Variants in SPG11 observed in about 807,000 individuals in gnomAD.
The protein encoded by SPG11 is spatacsin.
In SPG11, 222 loss-of-function variants were observed where a neutral mutation model predicts 274.0. That is an observed-to-expected ratio of 0.81 (90% CI 0.73 to 0.91). The LOEUF (loss-of-function observed/expected upper bound fraction) is 0.91, where lower values mean the gene tolerates loss of function less well. Ranked by LOEUF, SPG11 falls within the 40% of genes least tolerant of loss-of-function variation. The pLI, the probability that SPG11 is intolerant of heterozygous loss-of-function variation, is 0.00. For synonymous variants in SPG11, 1,144 were observed against 1,039.7 expected (o/e 1.10, Z -1.93); for missense variants, 3,114 against 2,872.7 (o/e 1.08, Z -1.92).
intron 7 of SPG11, among the ~76,000 whole-genome samples, chr15:44,637,042 G>T (rs556369921): frequency 1.4e-5 from 2 of 138,328 alleles, no homozygotes; most frequent in Middle Eastern, 8.5e-3. Flanking sequence ...ACTAATTTTT[G>T]AAGTTTTTCT....
At chr15:44,626,194 A>ATGTCATTATTTCTTAG in intron 11 of SPG11, 137 bp downstream of exon 11, 1 of 738,410 alleles carries the variant, frequency 1.4e-6, no homozygotes, top group East Asian at 2.9e-5. Context: ...AGTGTTATTA[A>ATGTCATTATTTCTTAG]TGTCATTATT....
chr15:44,650,876 T>C (rs894171154), intron 6 of SPG11, among the ~76,000 whole-genome samples: 2 of 152,112 alleles, frequency 1.3e-5, no homozygotes, highest in African/African-American at 4.8e-5. Flanking sequence ...GCCTCCCATG[T>C]AGCTGGGACT....
At position 44,614,609 on chromosome 15, in the gene SPG11, G is replaced by A. The variant is rs138854348; in HGVS notation, c.3038+754C>T. 2.1e-3 allele frequency among the ~76,000 whole-genome samples: 325 copies of A among 152,294 alleles called. 5 individuals are homozygous for A. The East Asian group carries it at 0.036, about 17-fold the overall frequency. ...ATGTGGGCTCCAGAATAAAAATTAA[G>A]TAGAATTAAATCAGCTCTTCCACTT... On this transcript the variant is annotated intron_variant, in intron 16 of 39. Transcript: ENST00000261866.
At chr15:44,630,695 TCAG>T (rs2084036399) in intron 8 of SPG11, among the ~76,000 whole-genome samples, 1 of 152,142 alleles carries the variant, frequency 6.6e-6, no homozygotes, top group Non-Finnish European at 1.5e-5. Context: ...TTCTCCTGCC[TCAG>T]CCTCCCGAGT....
intron 32 of SPG11, 125 bp downstream of exon 32, chr15:44,573,422 T>C (rs2082466100): frequency 1.0e-6 from 1 of 982,422 alleles, no homozygotes; most frequent in African/African-American, 1.6e-5. Context: ...CAAAATACAT[T>C]ACTGCAATCC....
Position 44,659,145 on chromosome 15 carries a change from C to A in SPG11, c.601G>T (p.Asp201Tyr). ...FTLPLPAQAV[D>Y]MIIDTQLCRG... Reference sequence around the variant, plus strand: ...CAGAGCTGCGTGTCAATAATCATGTCCACTGCCTGTGCAGGCAAGGGAAGT... The same window carrying A: ...CAGAGCTGCGTGTCAATAATCATGTACACTGCCTGTGCAGGCAAGGGAAGT... The change falls in exon 3 of 40, where the codon GAC becomes TAC. Residue 201 changes from aspartate to tyrosine, a missense_variant. By Grantham distance (160) the Asp-to-Tyr change is radical. Coordinates refer to ENST00000261866, the MANE Select transcript of SPG11 (RefSeq NM_025137.4). 1 of 1,614,210 alleles carries A rather than the reference C, an allele frequency of 6.2e-7. No individual in the cohort carries two copies. The highest frequency in any genetic ancestry group is 1.3e-5 in the African/African-American group (1 of 75,050).
chr15:44,573,443 G>A (rs2082466563), intron 32 of SPG11, 104 bp downstream of exon 32: 3 of 1,248,926 alleles, frequency 2.4e-6, no homozygotes, highest in Non-Finnish European at 2.3e-6. Context: ...AGAAACTTGA[G>A]AGAACCACAT....
rs977363487 is a variant in SPG11 at position 44,611,001 on chromosome 15, C to T, written c.3146-16G>A. On this transcript the variant is annotated splice_polypyrimidine_tract_variant and intron_variant, in intron 17 of 39. Coordinates refer to ENST00000261866, the MANE Select transcript of SPG11 (RefSeq NM_025137.4). Reference sequence around the variant, plus strand: ...AGTTTGGGATCTGGAAAATAAAAGACAGTGTTTTTCTCCTTAAGAGGGATA... The same window carrying T: ...AGTTTGGGATCTGGAAAATAAAAGATAGTGTTTTTCTCCTTAAGAGGGATA... 6 of 1,556,248 alleles carry T rather than the reference C, an allele frequency of 3.9e-6. No individual in the cohort carries two copies. The African/African-American group carries it at 7.2e-5, about 19-fold the overall frequency.
In SPG11 at chr15:44,648,878, T is replaced by G; in HGVS notation, c.1590A>C (p.Ile530=). The G allele has an allele frequency of 6.2e-7, 1 of 1,614,134 alleles. No individual in the cohort carries two copies. The highest frequency in any genetic ancestry group is 8.5e-7 in the Non-Finnish European group (1 of 1,179,982). ...TTAATTCTGTTACCTCTAGTGCATG[T>G]ATGGGAATTGAGCACCTTCCCCAGC... The part of the protein sequence containing the change: ...LNGWGRCSIP[I]HALEAGIENR... The change falls in exon 7 of 40, where the codon ATA becomes ATC. Residue 530 remains isoleucine, a synonymous_variant. Coordinates refer to ENST00000261866, the MANE Select transcript of SPG11 (RefSeq NM_025137.4).
intron 28 of SPG11, 135 bp from the exon 29 acceptor site, chr15:44,585,985 T>TTTG: frequency 2.9e-6 from 1 of 344,566 alleles, no homozygotes. Flanking sequence ...AAAAAGCTGT[T>TTTG]TTTTTTTTTT....
chr15:44,597,968 C>T (rs1187740486), intron 23 of SPG11, among the ~76,000 whole-genome samples: 2 of 152,188 alleles, frequency 1.3e-5, no homozygotes, highest in African/African-American at 4.8e-5. Flanking sequence ...TCAACATGTA[C>T]CATTTAAAAG....
rs1395617554 is a variant in SPG11 at position 44,610,977 on chromosome 15, G to T, written c.3154C>A (p.Leu1052Met). ...QVASNLTDPK[L>M]IFQASLANAQ... is the part of the protein sequence containing the mutation. The stretch of plus-strand genomic sequence containing the variant: ...TTTGCAAGGCTAGCCTGGAAGATCA[G>T]TTTGGGATCTGGAAAATAAAAGACA... The change falls in exon 18 of 40, where the codon CTG becomes ATG. Residue 1052 changes from leucine to methionine, a missense_variant. By Grantham distance (15) the Leu-to-Met change is conservative. Coordinates refer to ENST00000261866, the MANE Select transcript of SPG11 (RefSeq NM_025137.4). 1 of 1,606,256 alleles carries T rather than the reference G, an allele frequency of 6.2e-7. No homozygotes were observed. Among genetic ancestry groups the T allele is most frequent in the Non-Finnish European group, 8.5e-7 (1 of 1,175,528 alleles).
At chr15:44,576,517 C>T (rs1044717420) in intron 30 of SPG11, among the ~76,000 whole-genome samples, 2 of 151,562 alleles carry the variant, frequency 1.3e-5, no homozygotes, top group Non-Finnish European at 2.9e-5. Context: ...GACGTGGTGG[C>T]GGGTGCCTGT....
chr15:44,634,734 G>C (rs1396423849), intron 7 of SPG11, among the ~76,000 whole-genome samples: 1 of 151,780 alleles, frequency 6.6e-6, no homozygotes, highest in Non-Finnish European at 1.5e-5. Context: ...TTACAAGTCT[G>C]AACCACTACA....
In SPG11 at chr15:44,648,985, CA is replaced by C; in HGVS notation, c.1482del (p.Phe494LeufsTer3). On this transcript the variant is annotated frameshift_variant, in exon 7 of 40. Transcript: ENST00000261866. LOFTEE classifies it high-confidence loss of function. ...TTTAAAAACTCTTCTTGAGTCAAAC[CA>C]AACAAAATCAGAGAGAGTCCATTCT... is the stretch of plus-strand genomic sequence containing the variant. ...LTENGLSLIL[F>X]GLTQEEFLNR... 4 of 1,613,476 alleles carry C rather than the reference CA, an allele frequency of 2.5e-6. No individual in the cohort carries two copies. The highest frequency in any genetic ancestry group is 3.4e-6 in the Non-Finnish European group (4 of 1,179,584).
chr15:44,569,343 G>T, intron 35 of SPG11, 55 bp downstream of exon 35: 1 of 1,252,564 alleles, frequency 8.0e-7, no homozygotes, highest in Non-Finnish European at 1.1e-6. Context: ...AAAAGCTGAG[G>T]CTCCTGAATT....
Position 44,613,520 on chromosome 15 carries a change from A to C in SPG11, c.3055T>G (p.Cys1019Gly). 6.2e-7 allele frequency: 1 copy of C among 1,612,564 alleles called. No individual in the cohort carries two copies. Among genetic ancestry groups the C allele is most frequent in the Non-Finnish European group, 8.5e-7 (1 of 1,178,706 alleles). ...AACTCTTTTTTTTCCAAAAAGGGAC[A>C]ATTTTCAGGACTAAGTCTGTATATA... is the stretch of plus-strand genomic sequence containing the variant. ...LDCYKLSPEN[C>G]PFLEKKELHE... is the part of the protein sequence containing the mutation. Residue 1019 changes from cysteine to glycine, a missense_variant, in exon 17 of 40, where the codon TGT becomes GGT. Coordinates refer to ENST00000261866, the MANE Select transcript of SPG11 (RefSeq NM_025137.4).
chr15:44,563,402 A>C lies in SPG11; in HGVS notation c.7152-101T>G, dbSNP rs186689451. On this transcript the variant is annotated intron_variant, in intron 39 of 39. Transcript: ENST00000261866. ...TGCCCAGGCTGGAGTGCAGAGGAGC[A>C]GTCTTGGCTCACTGCAACCTCCACC... is the stretch of plus-strand genomic sequence containing the variant. The C allele has an allele frequency of 2.6e-3, 2,879 of 1,096,298 alleles. 94 individuals carry two copies. In the Admixed American group the frequency reaches 0.05, roughly 19 times the overall value. 67.9% of individuals were successfully genotyped at this position (1,096,298 alleles called of 1,614,324 possible).
At chr15:44,601,125 C>A (rs1395051131) in intron 20 of SPG11, among the ~76,000 whole-genome samples, 1 of 152,064 alleles carries the variant, frequency 6.6e-6, no homozygotes, top group Non-Finnish European at 1.5e-5. Context: ...GCACTCCAGC[C>A]TGGGCAACAA....
Sources: allele counts gnomAD v4.1 joint callset (sites outside exome capture counted in the v4.1 genomes callset), GRCh38; gene constraint gnomAD v4.1.1; transcripts MANE v1.5; gene names NCBI Gene and HGNC (gene_info 2026-07-23, HGNC 2026-07-21).